Variants in USP34 observed in about 807,000 individuals in gnomAD.
USP34 encodes ubiquitin carboxyl-terminal hydrolase 34.
USP34 carries 70 observed loss-of-function variants against 460.3 expected under a neutral mutation model. That is an observed-to-expected ratio of 0.15 (90% confidence interval 0.13 to 0.19). USP34 has a LOEUF of 0.19. USP34 is among the 10% of genes least tolerant of loss of function. USP34 has a pLI of 1.00. For missense variants in USP34, 3,985 were observed against 4,236.2 expected (o/e 0.94, Z 1.65); for synonymous variants, 1,647 against 1,405.3 (o/e 1.17, Z -3.85).
In USP34 at chr2:61,470,931, C is replaced by T. The variant is rs1336174502; in HGVS notation, c.-239G>A. ...AGGGGAGGTGCGCAGGCCGGAGGGG[C>T]GCCGAGGCGCCGGCGGCGGGGAAGG... is the stretch of plus-strand genomic sequence containing the variant. On this transcript the variant is annotated 5_prime_UTR_variant, in exon 1 of 80. Coordinates refer to ENST00000398571, the MANE Select transcript of USP34 (RefSeq NM_014709.4). 8.0e-5 allele frequency among the ~76,000 whole-genome samples: 10 copies of T among 125,402 alleles called. No individual in the cohort carries two copies. Among genetic ancestry groups the T allele is most frequent in the African/African-American group, 2.7e-4 (9 of 32,740 alleles). 82.3% of individuals were successfully genotyped at this position (125,402 alleles called of 152,430 possible).
chr2:61,296,682 G>A (rs1690040673), intron 30 of USP34, 118 bp downstream of exon 30: 6 of 1,051,974 alleles, frequency 5.7e-6, no homozygotes, highest in Non-Finnish European at 6.6e-6. Flanking sequence ...CCTACTATAT[G>A]GGTAAAAACT....
intron 20 of USP34, among the ~76,000 whole-genome samples, chr2:61,327,543 T>C (rs1295417091): frequency 6.6e-6 from 1 of 152,242 alleles, no homozygotes; most frequent in African/African-American, 2.4e-5. Flanking sequence ...TCCTCTTGCC[T>C]TGTCTATGGG....
chr2:61,394,198 G>T (rs961161256), intron 5 of USP34, among the ~76,000 whole-genome samples: 4 of 152,116 alleles, frequency 2.6e-5, no homozygotes, highest in Non-Finnish European at 4.4e-5. Context: ...GGATACAGAA[G>T]AATTACCTTA....
At chr2:61,333,390 T>A (rs1691327936) in intron 19 of USP34, among the ~76,000 whole-genome samples, 1 of 152,084 alleles carries the variant, frequency 6.6e-6, no homozygotes, top group Non-Finnish European at 1.5e-5. Context: ...CTCCAATGAA[T>A]ATTTCCTTTG....
At chr2:61,279,122 T>A (rs978264638) in intron 39 of USP34, among the ~76,000 whole-genome samples, 1 of 151,898 alleles carries the variant, frequency 6.6e-6, no homozygotes, top group African/African-American at 2.4e-5. Context: ...AAGTACAATG[T>A]TTATTTGGCA....
rs1006707145 is a variant in USP34 at position 61,228,739 on chromosome 2, A to G, written c.7369-20T>C. 9 of 1,595,276 alleles carry G rather than the reference A, an allele frequency of 5.6e-6. No individual in the cohort carries two copies. Among genetic ancestry groups the G allele is most frequent in the Admixed American group, 3.6e-5 (2 of 56,140 alleles). ...TTGGCTCTAAACAAACAAACAAACA[A>G]AATTTAAAAATATAAAATAAAAGCA... is the stretch of plus-strand genomic sequence containing the variant. On this transcript the variant is annotated intron_variant, in intron 60 of 79. Transcript: ENST00000398571.
intron 33 of USP34, among the ~76,000 whole-genome samples, chr2:61,291,599 T>C (rs1689854211): frequency 6.6e-6 from 1 of 152,206 alleles, no homozygotes; most frequent in Non-Finnish European, 1.5e-5. Context: ...TGTGCATATA[T>C]ATGTGTACAC....
At chr2:61,467,473 T>TA (rs1269861893) in intron 1 of USP34, among the ~76,000 whole-genome samples, 1 of 151,938 alleles carries the variant, frequency 6.6e-6, no homozygotes, top group African/African-American at 2.4e-5. Context: ...GCTTTAATAC[T>TA]AATTACGTAT....
chr2:61,286,870 T>C (rs1207125115), intron 34 of USP34, among the ~76,000 whole-genome samples: 1 of 152,158 alleles, frequency 6.6e-6, no homozygotes, highest in Non-Finnish European at 1.5e-5. Flanking sequence ...CACTTATGTA[T>C]ATTTATATTA....
chr2:61,201,719 C>T (rs980995592), intron 75 of USP34, among the ~76,000 whole-genome samples: 3 of 152,054 alleles, frequency 2.0e-5, no homozygotes, highest in Non-Finnish European at 2.9e-5. Context: ...ACAAGACAAC[C>T]CAAAACAGGG....
chr2:61,217,817 T>C (rs1345042914), intron 67 of USP34, among the ~76,000 whole-genome samples: 2 of 151,974 alleles, frequency 1.3e-5, no homozygotes, highest in African/African-American at 4.8e-5. Context: ...TAGCCAGGCA[T>C]GGTGGTGGGT....
At chr2:61,245,401 A>G (rs1688393076) in intron 50 of USP34, 113 bp from the exon 51 acceptor site, 1 of 535,544 alleles carries the variant, frequency 1.9e-6, no homozygotes, top group Admixed American at 3.6e-5. Context: ...TTCATGAGGT[A>G]AATTCTAAGT....
At chr2:61,251,143 AAAT>A (rs1254096286) in intron 48 of USP34, among the ~76,000 whole-genome samples, 1 of 152,162 alleles carries the variant, frequency 6.6e-6, no homozygotes, top group Non-Finnish European at 1.5e-5. Flanking sequence ...ATCTCAAAAA[AAAT>A]AAATAAATAA....
chr2:61,328,454 G>GA (rs964725523), intron 20 of USP34, among the ~76,000 whole-genome samples: 10 of 151,516 alleles, frequency 6.6e-5, no homozygotes, highest in African/African-American at 1.9e-4. Flanking sequence ...ATCTCCACTG[G>GA]AAAAAAAATA....
At chr2:61,311,474 G>GAAAGAAAAAGAAAAAAAAGAA in intron 27 of USP34, 66 bp downstream of exon 27, 1 of 1,427,718 alleles carries the variant, frequency 7.0e-7, no homozygotes, top group Non-Finnish European at 9.2e-7. Flanking sequence ...GGAGAAAAGA[G>GAAAGAAAAAGAAAAAAAAGAA]AAAGAGAAAG....
At chr2:61,312,810 T>C (rs2600664) in intron 25 of USP34, among the ~76,000 whole-genome samples, 82,742 of 151,960 alleles carry the variant, frequency 0.54, 22,794 homozygotes, top group South Asian at 0.75. Context: ...TAACATGCTC[T>C]CTTGCTGTGA....
chr2:61,219,877 GAT>G (rs1276949586), intron 67 of USP34, among the ~76,000 whole-genome samples: 1 of 151,646 alleles, frequency 6.6e-6, no homozygotes, highest in African/African-American at 2.4e-5. Context: ...AAATATTTTT[GAT>G]ATGTGTCTAC....
chr2:61,417,081 A>T (rs1422564785), intron 2 of USP34: 43 of 1,413,822 alleles, frequency 3.0e-5, no homozygotes, highest in Non-Finnish European at 3.9e-5. Flanking sequence ...GCAGGACCTC[A>T]ATCACATGCG....
chr2:61,301,552 T>A (rs908279335), intron 27 of USP34, 98 bp from the exon 28 acceptor site: 10 of 1,022,196 alleles, frequency 9.8e-6, no homozygotes, highest in Non-Finnish European at 1.3e-5. Flanking sequence ...CACTGTATGT[T>A]AAGTTTAAAT....
Sources: gnomAD v4.1 joint callset for allele counts (sites outside exome capture counted in the v4.1 genomes callset) on GRCh38, gnomAD v4.1.1 for gene constraint, MANE v1.5 for transcripts, NCBI Gene and HGNC (gene_info 2026-07-23, HGNC 2026-07-21) for gene names.